EPHA4: variants seen among roughly 807,000 people sequenced by gnomAD.
The protein encoded by EPHA4 is ephrin type-A receptor 4.
In EPHA4, 19 loss-of-function variants were observed where a neutral mutation model predicts 108.3. That is an observed-to-expected ratio of 0.18 (90% CI 0.12 to 0.26). EPHA4 has a LOEUF of 0.26. Ranked by LOEUF, EPHA4 falls within the 10% of genes least tolerant of loss-of-function variation. EPHA4 has a pLI of 1.00. For synonymous variants in EPHA4, 449 were observed against 455.5 expected, an observed-to-expected ratio of 0.99 and a Z score of 0.18; for missense variants, 917 against 1,254.0, an observed-to-expected ratio of 0.73 and a Z score of 4.06.
intron 3 of EPHA4, among the ~76,000 whole-genome samples, chr2:221,505,734 G>A (rs181645478): frequency 9.2e-5 from 14 of 152,202 alleles, no homozygotes; most frequent in South Asian, 4.1e-4. Flanking sequence ...TAAGTATTGC[G>A]TGTGTGCTGC....
intron 3 of EPHA4, among the ~76,000 whole-genome samples, chr2:221,519,092 T>A: frequency 6.6e-6 from 1 of 152,098 alleles, no homozygotes; most frequent in East Asian, 1.9e-4. Context: ...AAGAGATAAG[T>A]CCCTTTGCAG....
At chr2:221,442,026 C>T (rs1368548026) in intron 11 of EPHA4, among the ~76,000 whole-genome samples, 1 of 152,204 alleles carries the variant, frequency 6.6e-6, no homozygotes, top group African/African-American at 2.4e-5. Context: ...ATGCTTTCCA[C>T]AGACACCTTG....
chr2:221,459,148 G>A (rs1255381091), intron 5 of EPHA4, among the ~76,000 whole-genome samples: 1 of 152,114 alleles, frequency 6.6e-6, no homozygotes, highest in East Asian at 1.9e-4. Context: ...TGTCTGACGA[G>A]TATACTGATG....
chr2:221,421,112 G>A (rs1964343), intron 17 of EPHA4, among the ~76,000 whole-genome samples: 69,779 of 151,820 alleles, frequency 0.46, 16,639 homozygotes, highest in African/African-American at 0.58. Flanking sequence ...CCTGGCTAAC[G>A]TGGTGAAACC....
intron 14 of EPHA4, 59 bp from the exon 15 acceptor site, chr2:221,430,210 A>C (rs978073024): frequency 6.6e-7 from 1 of 1,504,192 alleles, no homozygotes; most frequent in Non-Finnish European, 8.9e-7. Flanking sequence ...TTCAAGGTTC[A>C]CCCTTCCGAC....
intron 15 of EPHA4, among the ~76,000 whole-genome samples, chr2:221,429,007 T>G (rs1016823527): frequency 1.3e-5 from 2 of 152,202 alleles, no homozygotes; most frequent in African/African-American, 4.8e-5. Context: ...CTGGAAGGGC[T>G]TAAATATTAC....
intron 3 of EPHA4, among the ~76,000 whole-genome samples, chr2:221,532,166 A>C (rs1693542280): frequency 6.6e-6 from 1 of 151,404 alleles, no homozygotes; most frequent in Non-Finnish European, 1.5e-5. Context: ...TCTGTCGCCC[A>C]GGCTGGAGTG....
intron 16 of EPHA4, 105 bp downstream of exon 16, chr2:221,426,359 C>A (rs978796715): frequency 3.7e-6 from 5 of 1,364,860 alleles, no homozygotes; most frequent in Non-Finnish European, 4.9e-6. Context: ...AGAGGCATTC[C>A]AGATTTTTTT....
intron 17 of EPHA4, among the ~76,000 whole-genome samples, chr2:221,421,059 G>A (rs1005015750): frequency 1.3e-5 from 2 of 152,186 alleles, no homozygotes; most frequent in African/African-American, 4.8e-5. Flanking sequence ...AGCGTTTTGG[G>A]AGCCGAGGTG....
intron 2 of EPHA4, 140 bp from the exon 3 acceptor site, chr2:221,564,534 T>C (rs1057110644): frequency 2.5e-6 from 2 of 806,760 alleles, no homozygotes; most frequent in South Asian, 1.9e-5. Context: ...TCATCACTAA[T>C]AAAGGATCTT....
chr2:221,549,130 C>T (rs974804644), intron 3 of EPHA4, among the ~76,000 whole-genome samples: 1 of 152,158 alleles, frequency 6.6e-6, no homozygotes, highest in African/African-American at 2.4e-5. Flanking sequence ...TGGGGTCATG[C>T]AGCCAATGTG....
At chr2:221,470,339 G>A (rs1038524895) in intron 5 of EPHA4, among the ~76,000 whole-genome samples, 3 of 151,390 alleles carry the variant, frequency 2.0e-5, no homozygotes, top group Non-Finnish European at 4.4e-5. Context: ...AAGGGCGGGG[G>A]GGAGAGAGAG....
At chr2:221,552,166 CCCTAAAAAAATAAACAAG>C (rs1345709437) in intron 3 of EPHA4, among the ~76,000 whole-genome samples, 11 of 152,070 alleles carry the variant, frequency 7.2e-5, no homozygotes, top group Non-Finnish European at 1.2e-4. Flanking sequence ...TCTACACAAC[CCCTAAAAAAATAAACAAG>C]CCTATCAAAC....
intron 3 of EPHA4, among the ~76,000 whole-genome samples, chr2:221,547,094 G>C (rs1694019585): frequency 6.6e-6 from 1 of 152,200 alleles, no homozygotes; most frequent in South Asian, 2.1e-4. Context: ...GCTACAGGAA[G>C]TGACAAGTAC....
At chr2:221,501,784 T>G (rs747242570) in intron 3 of EPHA4, among the ~76,000 whole-genome samples, 1 of 151,896 alleles carries the variant, frequency 6.6e-6, no homozygotes, top group Non-Finnish European at 1.5e-5. Flanking sequence ...AATCGAAAGA[T>G]CAACAAAGGC....
chr2:221,523,184 A>C (rs962775691), intron 3 of EPHA4, among the ~76,000 whole-genome samples: 1 of 152,206 alleles, frequency 6.6e-6, no homozygotes, highest in African/African-American at 2.4e-5. Flanking sequence ...AATAGCAAGT[A>C]GTTACTGGGG....
intron 3 of EPHA4, among the ~76,000 whole-genome samples, chr2:221,552,753 T>C (rs1305816038): frequency 1.3e-5 from 2 of 152,178 alleles, no homozygotes; most frequent in Non-Finnish European, 2.9e-5. Flanking sequence ...ATAGCTAATA[T>C]GTAGAAAGAT....
chr2:221,482,157 T>A (rs1161482394), intron 5 of EPHA4, among the ~76,000 whole-genome samples, 195 bp downstream of exon 5: 1 of 152,170 alleles, frequency 6.6e-6, no homozygotes, highest in Non-Finnish European at 1.5e-5. Flanking sequence ...GTGATCCACC[T>A]GCCCTGGCCT....
rs1574668029 is a variant in EPHA4 at position 221,568,720 on chromosome 2, C to T, written c.157G>A (p.Gly53Arg). 6.2e-7 allele frequency: 1 copy of T among 1,613,370 alleles called. No homozygotes were observed. Among genetic ancestry groups the T allele is most frequent in the South Asian group, 1.1e-5 (1 of 90,840 alleles). Residue 53 changes from glycine (G) to arginine (R), a missense_variant and splice_region_variant, in exon 2 of 18, where the codon GGG becomes AGG. Physicochemically the swap from Gly to Arg is moderately radical, Grantham distance 125. Coordinates refer to ENST00000281821, the MANE Select transcript of EPHA4 (RefSeq NM_004438.5). Reference sequence around the variant, plus strand: ...TCAGAGAGCAACTCAGGACTTACCCCTCCTTCCAGAGGGCTTGCTATCCAC... The same window carrying T: ...TCAGAGAGCAACTCAGGACTTACCCTTCCTTCCAGAGGGCTTGCTATCCAC... ...LGWIASPLEGGWEEVSIMDEK... is the reference protein window; with the variant it reads ...LGWIASPLEGRWEEVSIMDEK...
Sources: allele counts gnomAD v4.1 joint callset (sites outside exome capture counted in the v4.1 genomes callset), GRCh38; gene constraint gnomAD v4.1.1; transcripts MANE v1.5; gene names NCBI Gene and HGNC (gene_info 2026-07-23, HGNC 2026-07-21).